The following MBP variants were observed in gnomAD, a reference collection of about 807,000 sequenced individuals.
MBP encodes Golli-MBP.
Under a neutral mutation model 35.8 loss-of-function variants are expected in MBP, and 16 were observed. The ratio of observed to expected loss-of-function variants is 0.45; its 90% confidence interval spans 0.30 to 0.68. The LOEUF (loss-of-function observed/expected upper bound fraction) is 0.68, where lower values mean the gene tolerates loss of function less well. Among genes scored for constraint, MBP ranks in the 30% least tolerant of loss-of-function variants. MBP has a pLI of 0.08. For synonymous variants in MBP, 143 were observed against 159.6 expected, an observed-to-expected ratio of 0.90 and a Z score of 0.78; for missense variants, 380 against 404.7, an observed-to-expected ratio of 0.94 and a Z score of 0.52.
At chr18:77,021,919 C>T (rs1006103310) in intron 3 of MBP, among the ~76,000 whole-genome samples, 9 of 152,234 alleles carry the variant, frequency 5.9e-5, no homozygotes, top group Non-Finnish European at 1.2e-4. Flanking sequence ...GACACAGGCC[C>T]CTTCAGCACT....
Position 76,989,187 on chromosome 18 carries a change from T to C in MBP, c.682-275A>G. 1 of 635,304 alleles carries C rather than the reference T, an allele frequency of 1.6e-6. No homozygotes were observed. Among genetic ancestry groups the C allele is most frequent in the Non-Finnish European group, 2.9e-6 (1 of 344,212 alleles). The allele number at this position is 635,304 out of a possible 1,614,324, so 39.4% of individuals were successfully genotyped here. Reference sequence around the variant, plus strand: ...TCCGTAGCTGGGGAATGGGCCCATCTTGGGACACTGAGGGAGGCGGCGGAC... The same window carrying C: ...TCCGTAGCTGGGGAATGGGCCCATCCTGGGACACTGAGGGAGGCGGCGGAC... On this transcript the variant is annotated intron_variant, in intron 5 of 8. Coordinates refer to ENST00000355994, the MANE Select transcript of MBP (RefSeq NM_001025101.2). The surrounding 1 kb of genome is among the most constrained non-coding windows in gnomAD (Gnocchi z 4.0).
At chr18:77,009,702 C>T (rs902597246) in intron 4 of MBP, 2 of 696,562 alleles carry the variant, frequency 2.9e-6, no homozygotes, top group South Asian at 2.0e-5. Context: ...GGCCTGCCTC[C>T]CTGCTTTCAC....
chr18:77,094,778 T>A (rs1224933977), intron 2 of MBP, among the ~76,000 whole-genome samples: 2 of 152,236 alleles, frequency 1.3e-5, no homozygotes, highest in Non-Finnish European at 2.9e-5. Flanking sequence ...AGGAGAGCTC[T>A]GTTGTCCCAG....
rs568865309 is a variant in MBP at position 76,991,337 on chromosome 18, C to G, written c.577-1277G>C. 3.9e-5 allele frequency among the ~76,000 whole-genome samples: 6 copies of G among 152,188 alleles called. No individual in the cohort carries two copies. The South Asian group carries it at 1.2e-3, about 32-fold the overall frequency. ...AGAAGATACAGAGTGGTAAGCACTG[C>G]GAGAGGTTAGCTCACAGTGGAGGGA... On this transcript the variant is annotated intron_variant, in intron 4 of 8. Transcript: ENST00000355994.
In MBP at chr18:77,044,288, G is replaced by A. The variant is rs952357168; in HGVS notation, c.139+22010C>T. On this transcript the variant is annotated intron_variant, in intron 3 of 8. Coordinates refer to ENST00000355994, the MANE Select transcript of MBP (RefSeq NM_001025101.2). This position sits in a 1 kb window ranked among gnomAD's most constrained non-coding sequence, Gnocchi z 4.4. ...CACACTGGTGGCTCAAAGACTGCAT[G>A]CCTGAGACGGGGTCCAAACCCCTCT... 1.3e-5 allele frequency among the ~76,000 whole-genome samples: 2 copies of A among 152,122 alleles called. No homozygotes were observed. The highest frequency in any genetic ancestry group is 2.9e-5 in the Non-Finnish European group (2 of 68,024).
intron 2 of MBP, among the ~76,000 whole-genome samples, chr18:77,103,104 T>C (rs1365111698): frequency 1.3e-5 from 2 of 152,176 alleles, no homozygotes; most frequent in African/African-American, 4.8e-5. Context: ...AGATAAAATA[T>C]ACACAGGAAC....
chr18:77,034,815 C>T (rs143269597), intron 3 of MBP, among the ~76,000 whole-genome samples: 47 of 152,314 alleles, frequency 3.1e-4, no homozygotes, highest in South Asian at 8.3e-4. Context: ...ACTTCAGCTT[C>T]GGTGGGCGAC....
chr18:77,036,888 A>AG (rs1284006287), intron 3 of MBP, among the ~76,000 whole-genome samples: 2 of 93,686 alleles, frequency 2.1e-5, no homozygotes. Flanking sequence ...CACGTTTTGG[A>AG]GACTGAGCTG....
intron 3 of MBP, among the ~76,000 whole-genome samples, chr18:77,046,796 C>T (rs751329198): frequency 4.1e-4 from 63 of 152,300 alleles, no homozygotes; most frequent in African/African-American, 1.4e-3. Flanking sequence ...CTCTGGAAGA[C>T]GGGAGGGAAA....
intron 8 of MBP, chr18:76,982,487 C>T (rs1310265318): frequency 6.6e-6 from 1 of 152,262 alleles, no homozygotes; most frequent in African/African-American, 2.4e-5. Flanking sequence ...TTCGTGGAAA[C>T]TAATGCACAT....
At position 77,017,212 on chromosome 18, in the gene MBP, C is replaced by T; in HGVS notation, c.196G>A (p.Asp66Asn). The T allele has an allele frequency of 2.0e-6, 3 of 1,528,046 alleles. No individual in the cohort carries two copies. Among genetic ancestry groups the T allele is most frequent in the Non-Finnish European group, 2.6e-6 (3 of 1,138,654 alleles). 94.7% of individuals were successfully genotyped at this position (1,528,046 alleles called of 1,614,324 possible). A position where few individuals can be genotyped will look rare whatever the true frequency, so the allele number is the denominator to read the frequency against. Residue 66 changes from aspartate (D) to asparagine (N), a missense_variant, in exon 4 of 9, where the codon GAC becomes AAC. Asp to Asn is a conservative substitution (Grantham distance 23). Transcript: ENST00000355994. ...GTSSQDTAVT[D>N]SKRTADPKNA... is the part of the protein sequence containing the mutation. ...TTCGGGTCCGCTGTGCGCTTGGAGTCAGTCACCGCTGTGTCCTGAGAGGAG... is the reference window on the plus strand; with the variant it reads ...TTCGGGTCCGCTGTGCGCTTGGAGTTAGTCACCGCTGTGTCCTGAGAGGAG...
chr18:77,061,396 G>A (rs1973971964), intron 3 of MBP, among the ~76,000 whole-genome samples: 1 of 152,222 alleles, frequency 6.6e-6, no homozygotes, highest in Non-Finnish European at 1.5e-5. Context: ...AATGTTTACT[G>A]AGTACTGTGA....
chr18:77,016,070 C>T (rs1158266380), intron 4 of MBP: 3 of 985,214 alleles, frequency 3.0e-6, no homozygotes, highest in African/African-American at 3.5e-5. Context: ...CAGGGACCAG[C>T]GCTTTGATGA....
chr18:76,996,214 T>C (rs557339791), intron 4 of MBP, among the ~76,000 whole-genome samples: 3 of 152,334 alleles, frequency 2.0e-5, no homozygotes, highest in South Asian at 2.1e-4. Flanking sequence ...CTGTCACTCC[T>C]TGAAACAATT....
At chr18:76,996,703 C>T (rs1215846027) in intron 4 of MBP, among the ~76,000 whole-genome samples, 3 of 149,890 alleles carry the variant, frequency 2.0e-5, no homozygotes, top group Non-Finnish European at 4.4e-5. Flanking sequence ...AGCTGGGGGG[C>T]AGGGAGTGGA....
In MBP at chr18:76,988,403, G is replaced by A; in HGVS notation, c.750+92C>T. 1.2e-6 allele frequency: 2 copies of A among 1,614,044 alleles called. No individual in the cohort carries two copies. Among genetic ancestry groups the A allele is most frequent in the South Asian group, 1.1e-5 (1 of 91,084 alleles). On this transcript the variant is annotated intron_variant, in intron 7 of 8. Transcript: ENST00000355994. The surrounding 1 kb of genome is among the most constrained non-coding windows in gnomAD (Gnocchi z 5.2). ...TCGAGAGGAGAGAAAAGGAGGCCAG[G>A]AAGCAACCGAAACAGAGCAGAACAC...
intron 2 of MBP, among the ~76,000 whole-genome samples, chr18:77,087,803 G>T (rs1359239419): frequency 2.0e-5 from 3 of 151,996 alleles, no homozygotes; most frequent in Non-Finnish European, 2.9e-5. Context: ...CTGGGGACAG[G>T]TCCCGGGGCA....
At chr18:77,081,112 G>A (rs1232021753) in intron 2 of MBP, among the ~76,000 whole-genome samples, 1 of 152,198 alleles carries the variant, frequency 6.6e-6, no homozygotes, top group Non-Finnish European at 1.5e-5. Context: ...AGTAGAGACT[G>A]ACTGGAGGTG....
chr18:77,115,012 G>A (rs1368599969), intron 1 of MBP: 1 of 152,370 alleles, frequency 6.6e-6, no homozygotes, highest in African/African-American at 2.4e-5. Flanking sequence ...GCTTCCTGGA[G>A]CTGCTGTGGA....
Sources: gnomAD v4.1 joint callset for allele counts (sites outside exome capture counted in the v4.1 genomes callset) on GRCh38, gnomAD v4.1.1 for gene constraint, Gnocchi (gnomAD v3.1) non-coding constraint, MANE v1.5 for transcripts, NCBI Gene and HGNC (gene_info 2026-07-23, HGNC 2026-07-21) for gene names.